The following DOP1B variants were observed in gnomAD, a reference collection of about 807,000 sequenced individuals.
DOP1B encodes DOP1 leucine zipper like protein B.
In DOP1B, 174 loss-of-function variants were observed where a neutral mutation model predicts 233.5. That is an observed-to-expected ratio of 0.75 (90% CI 0.66 to 0.85). The LOEUF (loss-of-function observed/expected upper bound fraction) is 0.85. Ranked by LOEUF, DOP1B falls within the 40% of genes least tolerant of loss-of-function variation. The probability of loss-of-function intolerance (pLI) is 0.00; values close to 1 mark genes in which losing one functional copy is unlikely to be tolerated. For missense variants in DOP1B, 2,652 were observed against 2,846.6 expected, an observed-to-expected ratio of 0.93 and a Z score of 1.56; for synonymous variants, 1,190 against 1,185.6, an observed-to-expected ratio of 1.00 and a Z score of -0.08.
chr21:36,246,761 C>G lies in DOP1B; in HGVS notation c.4697+84C>G. ...ACTGTTTTGCCACGGATGTGGATGT[C>G]GGTTGGAGGATAATTTCATCCCAAT... On this transcript the variant is annotated intron_variant, in intron 19 of 36. Transcript: ENST00000691173. This position sits in a 1 kb window ranked among gnomAD's most constrained non-coding sequence, Gnocchi z 5.1. The G allele has an allele frequency of 6.7e-7, 1 of 1,490,194 alleles. No individual in the cohort carries two copies. The highest frequency in any genetic ancestry group is 9.0e-7 in the Non-Finnish European group (1 of 1,108,182). The allele number at this position is 1,490,194 out of a possible 1,614,324, so 92.3% of individuals were successfully genotyped here.
intron 2 of DOP1B, among the ~76,000 whole-genome samples, chr21:36,188,841 AT>A (rs1213053962): frequency 6.6e-6 from 1 of 152,184 alleles, no homozygotes; most frequent in Non-Finnish European, 1.5e-5. Context: ...AACATTTAAC[AT>A]TTTTATTTTA....
At chr21:36,216,851 C>T (rs898597087) in intron 9 of DOP1B, among the ~76,000 whole-genome samples, 5 of 151,840 alleles carry the variant, frequency 3.3e-5, no homozygotes, top group African/African-American at 1.2e-4. Context: ...CCAAGGTGGG[C>T]CTCACTTGAG....
At chr21:36,251,950 C>T (rs567982499) in intron 22 of DOP1B, among the ~76,000 whole-genome samples, 34 of 152,190 alleles carry the variant, frequency 2.2e-4, no homozygotes, top group South Asian at 2.1e-3. Flanking sequence ...CCTATAATCT[C>T]AACACTTTGG....
chr21:36,170,290 T>C (rs191890999), intron 2 of DOP1B: 97 of 314,254 alleles, frequency 3.1e-4, no homozygotes, highest in African/African-American at 2.0e-3. Flanking sequence ...CATTTGTGTA[T>C]CTTTTTGGAA....
At chr21:36,174,979 G>T (rs78664856) in intron 2 of DOP1B, among the ~76,000 whole-genome samples, 1 of 152,220 alleles carries the variant, frequency 6.6e-6, no homozygotes, top group African/African-American at 2.4e-5. Context: ...CTGGAAGCCA[G>T]AAGTCCAATA....
chr21:36,164,648 G>A, intron 1 of DOP1B, 60 bp from the exon 2 acceptor site: 2 of 1,365,808 alleles, frequency 1.5e-6, no homozygotes, highest in Admixed American at 2.7e-5. Context: ...GCTCTGGGTT[G>A]GGAATGATTT....
chr21:36,168,069 G>A (rs1181643332), intron 2 of DOP1B, among the ~76,000 whole-genome samples: 2 of 146,756 alleles, frequency 1.4e-5, no homozygotes, highest in Non-Finnish European at 1.5e-5. Flanking sequence ...TCAGCCTCCC[G>A]AGTAACTGAG....
At chr21:36,169,220 A>G (rs1156337145) in intron 2 of DOP1B, 2 of 1,018,050 alleles carry the variant, frequency 2.0e-6, no homozygotes, top group South Asian at 1.3e-5. Flanking sequence ...ACCATAGTGG[A>G]CAAAGCCACC....
chr21:36,165,867 C>T (rs1329861995), intron 2 of DOP1B, among the ~76,000 whole-genome samples: 1 of 151,738 alleles, frequency 6.6e-6, no homozygotes, highest in East Asian at 2.0e-4. Flanking sequence ...CAGGCACGTG[C>T]CACCACACCT....
intron 10 of DOP1B, among the ~76,000 whole-genome samples, chr21:36,221,497 AAAAT>A (rs1355026165): frequency 4.6e-5 from 7 of 152,108 alleles, no homozygotes; most frequent in Non-Finnish European, 1.0e-4. Flanking sequence ...TTCATCTCAA[AAAAT>A]AAATAAAAAT....
chr21:36,212,862 A>G (rs2066515547), intron 7 of DOP1B, among the ~76,000 whole-genome samples: 1 of 152,130 alleles, frequency 6.6e-6, no homozygotes, highest in Non-Finnish European at 1.5e-5. Context: ...GCTCACTACA[A>G]CCTCGGCCTC....
At chr21:36,231,461 T>C (rs1316575274) in intron 14 of DOP1B, among the ~76,000 whole-genome samples, 2 of 152,198 alleles carry the variant, frequency 1.3e-5, no homozygotes, top group Non-Finnish European at 2.9e-5. Context: ...AAGAAGGTGC[T>C]ATTGGCCTCA....
At chr21:36,207,594 G>C (rs1038086159) in intron 4 of DOP1B, among the ~76,000 whole-genome samples, 1 of 149,334 alleles carries the variant, frequency 6.7e-6, no homozygotes, top group Non-Finnish European at 1.5e-5. Context: ...AGCTGAGCAC[G>C]GGCGTGCACA....
chr21:36,213,483 A>G (rs2066523974), intron 7 of DOP1B, among the ~76,000 whole-genome samples: 1 of 151,890 alleles, frequency 6.6e-6, no homozygotes, highest in African/African-American at 2.4e-5. Context: ...TGGACAAAAA[A>G]ACACTGGTTT....
Position 36,221,398 on chromosome 21 carries a change from G to A in DOP1B, c.1251-1833G>A, listed in dbSNP as rs532327933. 2.0e-5 allele frequency among the ~76,000 whole-genome samples: 3 copies of A among 151,938 alleles called. No individual in the cohort carries two copies. In the South Asian group the frequency reaches 6.2e-4, roughly 32 times the overall value. On this transcript the variant is annotated intron_variant, in intron 10 of 36. Transcript: ENST00000691173. ...TAGTCCCAGCTACTTGGGAGGCTGAGGCATGAGAATTGCTTGAACCTGGGA... is the reference window on the plus strand; with the variant it reads ...TAGTCCCAGCTACTTGGGAGGCTGAAGCATGAGAATTGCTTGAACCTGGGA...
chr21:36,289,883 G>C (rs2067536874), intron 35 of DOP1B, among the ~76,000 whole-genome samples: 1 of 152,194 alleles, frequency 6.6e-6, no homozygotes, highest in African/African-American at 2.4e-5. Flanking sequence ...GTCGCCAGGG[G>C]TTGGGGAGAG....
chr21:36,221,577 G>A (rs140997593), intron 10 of DOP1B, among the ~76,000 whole-genome samples: 351 of 151,994 alleles, frequency 2.3e-3, no homozygotes, highest in African/African-American at 8.1e-3. Context: ...TTTCAGTTTT[G>A]TTTGTTTGTT....
At chr21:36,174,496 ATAAAT>A (rs1421395138) in intron 2 of DOP1B, among the ~76,000 whole-genome samples, 1 of 152,114 alleles carries the variant, frequency 6.6e-6, no homozygotes, top group Non-Finnish European at 1.5e-5. Flanking sequence ...AAAATAATAA[ATAAAT>A]TAATAAAAAC....
chr21:36,260,942 T>C (rs1169088616), intron 24 of DOP1B: 4 of 1,364,864 alleles, frequency 2.9e-6, no homozygotes, highest in Non-Finnish European at 2.8e-6. Flanking sequence ...GCAGCGTACT[T>C]TGAACACTTT....
Sources: allele counts gnomAD v4.1 joint callset (sites outside exome capture counted in the v4.1 genomes callset), GRCh38; gene constraint gnomAD v4.1.1; non-coding constraint Gnocchi (gnomAD v3.1); transcripts MANE v1.5; gene names NCBI Gene and HGNC (gene_info 2026-07-23, HGNC 2026-07-21).